The following IMMP2L variants were observed in gnomAD, a reference collection of about 807,000 sequenced individuals.
IMMP2L encodes the protein mitochondrial inner membrane protease subunit 2.
IMMP2L carries 18 observed loss-of-function variants against 19.3 expected under a neutral mutation model. The ratio of observed to expected loss-of-function variants is 0.93; its 90% CI spans 0.64 to 1.38. IMMP2L has a LOEUF of 1.38. Among genes scored for constraint, IMMP2L ranks in the 40% most tolerant of loss-of-function variants. The probability of loss-of-function intolerance (pLI) is 0.00; values close to 1 mark genes in which losing one functional copy is unlikely to be tolerated. For synonymous variants in IMMP2L, 76 were observed against 73.0 expected, an observed-to-expected ratio of 1.04 and a Z score of -0.21; for missense variants, 233 against 218.2, an observed-to-expected ratio of 1.07 and a Z score of -0.43.
intron 5 of IMMP2L, among the ~76,000 whole-genome samples, chr7:110,675,369 A>G (rs933505572): frequency 2.0e-5 from 3 of 152,136 alleles, no homozygotes; most frequent in African/African-American, 7.2e-5. Context: ...CAGGCTCAAA[A>G]AAAAACAGGC....
intron 3 of IMMP2L, among the ~76,000 whole-genome samples, chr7:111,470,010 A>G (rs1013767486): frequency 6.6e-6 from 1 of 152,158 alleles, no homozygotes. Context: ...TCTACAATGA[A>G]CTCAAACAAA....
chr7:110,766,974 T>C (rs1798707703), intron 5 of IMMP2L, among the ~76,000 whole-genome samples: 1 of 152,052 alleles, frequency 6.6e-6, no homozygotes, highest in South Asian at 2.1e-4. Context: ...CCTGTCTGCG[T>C]GAGGGGAGAA....
intron 4 of IMMP2L, among the ~76,000 whole-genome samples, chr7:110,936,526 C>A (rs1816129028): frequency 6.6e-6 from 1 of 152,114 alleles, no homozygotes; most frequent in Admixed American, 6.6e-5. Flanking sequence ...GTTAGAATGG[C>A]AATCATTAAA....
At chr7:110,816,470 T>A (rs1318835958) in intron 5 of IMMP2L, among the ~76,000 whole-genome samples, 1 of 151,924 alleles carries the variant, frequency 6.6e-6, no homozygotes, top group African/African-American at 2.4e-5. Context: ...GTTCTGTAGA[T>A]GTCTATTAGG....
At chr7:111,101,215 A>G (rs918679225) in intron 3 of IMMP2L, among the ~76,000 whole-genome samples, 3 of 151,542 alleles carry the variant, frequency 2.0e-5, no homozygotes, top group South Asian at 2.1e-4. Context: ...TTCTAAGATA[A>G]TATCTTACCA....
At position 111,468,177 on chromosome 7, in the gene IMMP2L, G is replaced by T. The variant is rs138072215; in HGVS notation, c.239+19061C>A. 4.1e-3 allele frequency among the ~76,000 whole-genome samples: 622 copies of T among 152,146 alleles called. 2 individuals carry two copies. Among genetic ancestry groups the T allele is most frequent in the Non-Finnish European group, 6.3e-3 (427 of 67,998 alleles). The stretch of plus-strand genomic sequence containing the variant: ...TATTGTTTTCTTATAAAAGTCAGCT[G>T]AGCTGTACAGCTTAACCAAGATAAT... On this transcript the variant is annotated intron_variant, in intron 3 of 5. Coordinates refer to ENST00000405709, the MANE Select transcript of IMMP2L (RefSeq NM_032549.4).
chr7:110,954,299 C>T (rs1818148843), intron 4 of IMMP2L, among the ~76,000 whole-genome samples: 1 of 152,076 alleles, frequency 6.6e-6, no homozygotes, highest in Non-Finnish European at 1.5e-5. Flanking sequence ...AGTGCATCTT[C>T]ATAGTGGCAA....
intron 3 of IMMP2L, among the ~76,000 whole-genome samples, chr7:111,327,502 C>T (rs1394836593): frequency 1.3e-5 from 2 of 151,660 alleles, no homozygotes; most frequent in Admixed American, 1.3e-4. Flanking sequence ...ACCCACCATT[C>T]ATTCATCCAT....
chr7:111,344,575 A>C (rs923296979), intron 3 of IMMP2L, among the ~76,000 whole-genome samples: 2 of 152,230 alleles, frequency 1.3e-5, no homozygotes, highest in Non-Finnish European at 2.9e-5. Flanking sequence ...GGAAGGAAGC[A>C]AAAAGGCAGG....
At chr7:111,474,076 G>C (rs149485879) in intron 3 of IMMP2L, among the ~76,000 whole-genome samples, 23 of 152,134 alleles carry the variant, frequency 1.5e-4, no homozygotes, top group African/African-American at 5.5e-4. Flanking sequence ...CAGGAACAGA[G>C]AACCAAATAT....
intron 3 of IMMP2L, among the ~76,000 whole-genome samples, chr7:110,979,729 G>C (rs543114724): frequency 6.6e-6 from 1 of 151,808 alleles, no homozygotes; most frequent in East Asian, 1.9e-4. Flanking sequence ...TCAATAGTAA[G>C]AAAACAAACC....
chr7:110,961,806 G>C (rs1012373820), intron 4 of IMMP2L, among the ~76,000 whole-genome samples: 7 of 151,774 alleles, frequency 4.6e-5, no homozygotes, highest in Non-Finnish European at 1.0e-4. Flanking sequence ...AAAAAACACA[G>C]ACATCAAAGA....
intron 3 of IMMP2L, among the ~76,000 whole-genome samples, chr7:111,214,334 T>C (rs967046771): frequency 3.2e-4 from 36 of 113,728 alleles, no homozygotes; most frequent in African/African-American, 1.2e-3. Flanking sequence ...TTTTCTTCTT[T>C]TTTTTTTTTT....
At chr7:110,844,540 T>C (rs973320883) in intron 5 of IMMP2L, among the ~76,000 whole-genome samples, 1 of 151,624 alleles carries the variant, frequency 6.6e-6, no homozygotes, top group African/African-American at 2.4e-5. Flanking sequence ...GGGTCTTTTA[T>C]ATGCTAAGGT....
intron 3 of IMMP2L, among the ~76,000 whole-genome samples, chr7:111,484,401 GA>G (rs1159529259): frequency 6.6e-6 from 1 of 152,020 alleles, no homozygotes; most frequent in Non-Finnish European, 1.5e-5. Context: ...ATTGTCTCAA[GA>G]TTTTTTTAAT....
chr7:110,958,830 G>A (rs1563112153), intron 4 of IMMP2L, among the ~76,000 whole-genome samples: 1 of 152,154 alleles, frequency 6.6e-6, no homozygotes, highest in East Asian at 1.9e-4. Context: ...GAAGTCAGCA[G>A]TTGGCAGTGG....
At chr7:110,859,729 G>A (rs1472709937) in intron 5 of IMMP2L, among the ~76,000 whole-genome samples, 4 of 149,492 alleles carry the variant, frequency 2.7e-5, no homozygotes, top group Non-Finnish European at 5.9e-5. Context: ...GTACCTGGGT[G>A]ACAGAGTGAG....
chr7:110,933,055 G>C (rs1414297594), intron 4 of IMMP2L, among the ~76,000 whole-genome samples: 1 of 152,184 alleles, frequency 6.6e-6, no homozygotes, highest in Non-Finnish European at 1.5e-5. Context: ...CAAATAAGAA[G>C]CATGTGGAAA....
At chr7:111,254,666 T>A (rs989408000) in intron 3 of IMMP2L, among the ~76,000 whole-genome samples, 5 of 152,124 alleles carry the variant, frequency 3.3e-5, no homozygotes, top group Non-Finnish European at 7.4e-5. Context: ...GTTGTCCCTC[T>A]GTATACATGA....
Sources: allele counts gnomAD v4.1 joint callset (sites outside exome capture counted in the v4.1 genomes callset), GRCh38; gene constraint gnomAD v4.1.1; transcripts MANE v1.5; gene names NCBI Gene and HGNC (gene_info 2026-07-23, HGNC 2026-07-21).